NTM: variants seen among roughly 807,000 people sequenced by gnomAD.
NTM encodes neurotrimin, also known as IgLON family member 2.
A neutral mutation model predicts 42.1 loss-of-function variants in NTM; 13 were observed. That is an observed-to-expected ratio of 0.31 (90% confidence interval 0.20 to 0.49). NTM has a LOEUF of 0.49. Among genes scored for constraint, NTM ranks in the 20% least tolerant of loss-of-function variants. The pLI is 0.99. For synonymous variants in NTM, 187 were observed against 179.2 expected (o/e 1.04, Z -0.35); for missense variants, 373 against 452.8 (o/e 0.82, Z 1.60).
chr11:132,318,208 C>T (rs1002585883), intron 7 of NTM, among the ~76,000 whole-genome samples: 1 of 152,128 alleles, frequency 6.6e-6, no homozygotes, highest in Non-Finnish European at 1.5e-5. Context: ...TACTGGGGTC[C>T]AGGTTAGGGC....
chr11:131,660,273 A>G (rs1389228419), intron 1 of NTM: 2 of 353,574 alleles, frequency 5.7e-6, no homozygotes, highest in Non-Finnish European at 1.1e-5. Flanking sequence ...GGGTGCTGCA[A>G]TAATGAGGTT....
chr11:131,521,589 G>A (rs770387436), intron 1 of NTM, among the ~76,000 whole-genome samples: 3 of 151,328 alleles, frequency 2.0e-5, no homozygotes, highest in African/African-American at 4.9e-5. Flanking sequence ...TGACCAGCCC[G>A]TAGGGGGACT....
intron 4 of NTM, among the ~76,000 whole-genome samples, chr11:132,229,236 T>G (rs537608692): frequency 6.6e-5 from 10 of 152,198 alleles, no homozygotes; most frequent in Non-Finnish European, 1.2e-4. Context: ...GGCCTTATGA[T>G]GTAGGTGTTC....
At chr11:131,416,020 A>G (rs1448757842) in intron 1 of NTM, among the ~76,000 whole-genome samples, 4 of 152,232 alleles carry the variant, frequency 2.6e-5, no homozygotes, top group African/African-American at 9.6e-5. Context: ...TTGTTTGGAT[A>G]AACAATGAAA....
intron 1 of NTM, among the ~76,000 whole-genome samples, chr11:131,890,145 T>C (rs1416115966): frequency 2.4e-5 from 2 of 82,490 alleles, no homozygotes; most frequent in Non-Finnish European, 4.8e-5. Context: ...TCCCTCTCTC[T>C]CTCTCTCTCT....
chr11:132,132,025 C>A (rs750602149), intron 2 of NTM, among the ~76,000 whole-genome samples: 1 of 152,156 alleles, frequency 6.6e-6, no homozygotes, highest in Non-Finnish European at 1.5e-5. Context: ...CAAGAGTTTC[C>A]GTAAAGGACT....
intron 1 of NTM, among the ~76,000 whole-genome samples, chr11:131,474,754 A>G (rs934546112): frequency 2.0e-5 from 3 of 152,144 alleles, no homozygotes; most frequent in African/African-American, 7.2e-5. Context: ...TCTTAGTTAT[A>G]GGGTATCATT....
At chr11:132,009,855 A>G (rs1390986083) in intron 2 of NTM, among the ~76,000 whole-genome samples, 1 of 152,198 alleles carries the variant, frequency 6.6e-6, no homozygotes, top group Admixed American at 6.5e-5. Context: ...TCTCAGAGGA[A>G]CAGAAGGATG....
At chr11:131,616,110 G>A (rs1032696495) in intron 1 of NTM, among the ~76,000 whole-genome samples, 12 of 152,212 alleles carry the variant, frequency 7.9e-5, no homozygotes, top group African/African-American at 2.9e-4. Context: ...TCCTGCAATT[G>A]CATGGACTCT....
At chr11:132,278,439 C>T (rs73042085) in intron 4 of NTM, among the ~76,000 whole-genome samples, 2,219 of 152,290 alleles carry the variant, frequency 0.015, 45 homozygotes, top group Non-Finnish European at 0.018. Flanking sequence ...GCCAGAACAC[C>T]TACACGTGGC....
chr11:131,902,775 T>G (rs541507), intron 1 of NTM, among the ~76,000 whole-genome samples: 110,363 of 152,096 alleles, frequency 0.73, 40,211 homozygotes, highest in Middle Eastern at 0.8. Context: ...GGATAGCAAA[T>G]ATCAGTTCTA....
chr11:132,041,227 TAGATA>T lies in NTM; in HGVS notation c.168-105054_168-105050del, dbSNP rs2077150532. Reference sequence around the variant, plus strand: ...TGTGTGTGTGAGAGAGAGAGAGAGATAGATAGAGAGAGAGAGAGAGAGAGAGAGAG... The same window carrying T: ...TGTGTGTGTGAGAGAGAGAGAGAGATGAGAGAGAGAGAGAGAGAGAGAGAG... On this transcript the variant is annotated intron_variant, in intron 2 of 8. Transcript: ENST00000683400. Among the ~76,000 whole-genome samples the T allele has an allele frequency of 4.2e-5, 4 of 94,986 alleles. No homozygotes were observed. In the Admixed American group the frequency reaches 4.6e-4, roughly 11 times the overall value. The allele number at this position is 94,986 out of a possible 152,430, so 62.3% of individuals were successfully genotyped here. A position where few individuals can be genotyped will look rare whatever the true frequency, so the allele number is the denominator to read the frequency against.
intron 2 of NTM, among the ~76,000 whole-genome samples, chr11:132,020,664 G>A (rs946826327): frequency 4.6e-5 from 7 of 151,886 alleles, no homozygotes; most frequent in South Asian, 2.1e-4. Flanking sequence ...CTAAATTTCC[G>A]GTTAATAGTA....
At chr11:132,037,724 C>T (rs1345961228) in intron 2 of NTM, among the ~76,000 whole-genome samples, 1 of 152,170 alleles carries the variant, frequency 6.6e-6, no homozygotes, top group Non-Finnish European at 1.5e-5. Context: ...CTCCTACTTC[C>T]CTCCAATGAA....
intron 4 of NTM, among the ~76,000 whole-genome samples, chr11:132,281,552 G>C (rs549998971): frequency 1.8e-4 from 28 of 152,180 alleles, no homozygotes; most frequent in Admixed American, 2.6e-4. Flanking sequence ...ATGACTGTGG[G>C]AGAACCTTCT....
chr11:131,535,969 T>G (rs2052130669), intron 1 of NTM: 1 of 152,236 alleles, frequency 6.6e-6, no homozygotes, highest in Non-Finnish European at 1.5e-5. Flanking sequence ...AATGCTTCCT[T>G]GTCAAAAAGC....
intron 1 of NTM, among the ~76,000 whole-genome samples, chr11:131,486,649 G>A (rs1398327845): frequency 6.6e-6 from 1 of 152,194 alleles, no homozygotes; most frequent in Non-Finnish European, 1.5e-5. Context: ...CTGGACTTTG[G>A]AGCAAGTTTC....
rs142817071 is a variant in NTM at position 132,282,976 on chromosome 11, C to CTTTTTTTTTTTTT, written c.527-24700_527-24688dup. ...AATGAAACGGGAAATTCCTTTATTC[C>CTTTTTTTTTTTTT]TTTTTTTTTTTTTTTTTTTTTTTTT... On this transcript the variant is annotated intron_variant, in intron 4 of 8. Transcript: ENST00000683400. Among the ~76,000 whole-genome samples the CTTTTTTTTTTTTT allele has an allele frequency of 3.0e-3, 327 of 108,920 alleles. 13 individuals carry two copies. The highest frequency in any genetic ancestry group is 3.3e-3 in the Non-Finnish European group (185 of 55,880). The allele number at this position is 108,920 out of a possible 152,430, so 71.5% of individuals were successfully genotyped here.
chr11:132,324,552 G>A (rs2136328926), intron 7 of NTM, among the ~76,000 whole-genome samples: 1 of 151,662 alleles, frequency 6.6e-6, no homozygotes, highest in South Asian at 2.1e-4. Flanking sequence ...AACATTCCAT[G>A]CTCGTGGGTA....
Sources: allele counts gnomAD v4.1 joint callset (sites outside exome capture counted in the v4.1 genomes callset), GRCh38; gene constraint gnomAD v4.1.1; transcripts MANE v1.5; gene names NCBI Gene and HGNC (gene_info 2026-07-23, HGNC 2026-07-21).